RNASEH2B: variants seen among roughly 807,000 people sequenced by gnomAD.
The protein encoded by RNASEH2B is Aicardi-Goutieres syndrome 2 protein.
RNASEH2B carries 36 observed loss-of-function variants against 45.0 expected under a neutral mutation model. That is an observed-to-expected ratio of 0.80 (90% CI 0.61 to 1.06). RNASEH2B has a LOEUF of 1.06. Ranked by LOEUF, RNASEH2B falls within the 50% of genes least tolerant of loss-of-function variation. The pLI is 0.00. For synonymous variants in RNASEH2B, 119 were observed against 125.7 expected (o/e 0.95, Z 0.35); for missense variants, 361 against 360.3 (o/e 1.00, Z -0.02).
intron 5 of RNASEH2B, chr13:50,941,985 C>G (rs1278069903): frequency 2.0e-5 from 3 of 152,364 alleles, no homozygotes; most frequent in Admixed American, 2.0e-4. Flanking sequence ...CTCCCAACCT[C>G]TCTCCCATAC....
intron 5 of RNASEH2B, chr13:50,940,880 G>A (rs769079721): frequency 3.3e-5 from 5 of 152,192 alleles, no homozygotes; most frequent in Non-Finnish European, 7.3e-5. Flanking sequence ...ACTGAGGAAA[G>A]TGCAGACCTA....
At chr13:50,923,612 C>T (rs1276435146) in intron 1 of RNASEH2B, among the ~76,000 whole-genome samples, 2 of 152,092 alleles carry the variant, frequency 1.3e-5, no homozygotes. Context: ...GGAACCAAGA[C>T]ATTCTCAGAT....
chr13:50,918,792 G>A (rs904926325), intron 1 of RNASEH2B, among the ~76,000 whole-genome samples: 1 of 152,202 alleles, frequency 6.6e-6, no homozygotes, highest in East Asian at 1.9e-4. Context: ...TGCCGGGGCA[G>A]TGGGACGGGG....
chr13:50,945,651 C>T (rs1951891733), intron 7 of RNASEH2B, 119 bp downstream of exon 7: 1 of 715,714 alleles, frequency 1.4e-6, no homozygotes, highest in African/African-American at 1.8e-5. Context: ...CTACCAATGC[C>T]TCATACACAT....
downstream of RNASEH2B, among the ~76,000 whole-genome samples, chr13:50,960,973 T>C (rs565979867): frequency 4.7e-4 from 72 of 152,332 alleles, no homozygotes; most frequent in African/African-American, 1.7e-3. Flanking sequence ...TTGACATTTT[T>C]GAGTACAGGG....
intron 1 of RNASEH2B, chr13:50,927,179 C>T (rs1951608670): frequency 2.3e-6 from 1 of 439,466 alleles, no homozygotes; most frequent in Non-Finnish European, 4.2e-6. Flanking sequence ...ATTCTAGACC[C>T]CTGCTTCTCA....
intron 9 of RNASEH2B, among the ~76,000 whole-genome samples, chr13:50,968,167 G>A (rs1251113842): frequency 6.6e-6 from 1 of 152,048 alleles, no homozygotes; most frequent in African/African-American, 2.4e-5. Flanking sequence ...TGTAATCCCA[G>A]TACTTTGGGA....
In RNASEH2B at chr13:50,956,652, C is replaced by T. The variant is rs1593482168; in HGVS notation, c.*178C>T. 1 of 1,388,490 alleles carries T rather than the reference C, an allele frequency of 7.2e-7. No individual in the cohort carries two copies. Among genetic ancestry groups the T allele is most frequent in the African/African-American group, 1.5e-5 (1 of 68,384 alleles). The allele number at this position is 1,388,490 out of a possible 1,614,324, so 86.0% of individuals were successfully genotyped here. ...GAACAAAATATGGGAAAGTGTCTAA[C>T]TTCATGGCTATGGCCTTTTGGAGTC... On this transcript the variant is annotated 3_prime_UTR_variant, in exon 11 of 11. Transcript: ENST00000336617.
intron 1 of RNASEH2B, chr13:50,912,964 A>G (rs897521307): frequency 3.3e-5 from 5 of 152,168 alleles, no homozygotes; most frequent in African/African-American, 1.2e-4. Context: ...GGATATATTT[A>G]AATGTTTGAT....
chr13:50,917,946 C>G (rs116739711), intron 1 of RNASEH2B, among the ~76,000 whole-genome samples: 6 of 152,206 alleles, frequency 3.9e-5, no homozygotes, highest in African/African-American at 7.2e-5. Context: ...CATGCTCCAT[C>G]CATGCTCCAT....
downstream of RNASEH2B, among the ~76,000 whole-genome samples, chr13:50,961,537 T>C (rs1414012583): frequency 6.6e-6 from 1 of 152,194 alleles, no homozygotes. Context: ...CATTCTTTAA[T>C]ACATTCCTGC....
chr13:50,941,001 C>G (rs929185647), intron 5 of RNASEH2B: 1 of 152,094 alleles, frequency 6.6e-6, no homozygotes, highest in Non-Finnish European at 1.5e-5. Flanking sequence ...CTTCATGTCA[C>G]TCAGAGCCAG....
At chr13:50,935,080 A>C in intron 5 of RNASEH2B, 81 bp downstream of exon 5, 2 of 845,498 alleles carry the variant, frequency 2.4e-6, no homozygotes, top group Non-Finnish European at 4.0e-6. Context: ...GACACACTGA[A>C]TGTAAGGCTT....
chr13:50,939,453 G>A (rs774615230), intron 5 of RNASEH2B, among the ~76,000 whole-genome samples: 11 of 152,102 alleles, frequency 7.2e-5, no homozygotes, highest in Non-Finnish European at 1.3e-4. Flanking sequence ...CCAGGAGGTC[G>A]GGGTTACAGT....
At chr13:50,961,014 A>T (rs925014273), downstream of RNASEH2B, among the ~76,000 whole-genome samples, 1 of 152,032 alleles carries the variant, frequency 6.6e-6, no homozygotes, top group Admixed American at 6.6e-5. Flanking sequence ...TCTTATTCTA[A>T]TATTTCTTTT....
At chr13:50,934,447 G>C (rs1286404508) in intron 4 of RNASEH2B, 1 of 212,230 alleles carries the variant, frequency 4.7e-6, no homozygotes, top group Non-Finnish European at 9.7e-6. Flanking sequence ...CATCCCTAGA[G>C]TGATGATGGG....
chr13:50,963,150 T>C (rs1236075637), intron 9 of RNASEH2B, among the ~76,000 whole-genome samples: 1 of 152,000 alleles, frequency 6.6e-6, no homozygotes, highest in Non-Finnish European at 1.5e-5. Context: ...ACTTTAAATA[T>C]TGTAATTTTA....
chr13:50,960,388 TA>T (rs1952099940), downstream of RNASEH2B, among the ~76,000 whole-genome samples: 1 of 152,152 alleles, frequency 6.6e-6, no homozygotes. Flanking sequence ...AGAACAGTAT[TA>T]AAGAGTAATA....
In RNASEH2B at chr13:50,944,233, T is replaced by C. The variant is rs562910786; in HGVS notation, c.510+839T>C. 3.9e-5 allele frequency among the ~76,000 whole-genome samples: 6 copies of C among 152,352 alleles called. No homozygotes were observed. The East Asian group carries it at 1.2e-3, about 29-fold the overall frequency. On this transcript the variant is annotated intron_variant, in intron 6 of 10. Coordinates refer to ENST00000336617, the MANE Select transcript of RNASEH2B (RefSeq NM_024570.4). ...CCACTGGTCTAAGGATAATATGTAC[T>C]TTCACATTGATTAAGAATCTCGCTA... is the stretch of plus-strand genomic sequence containing the variant.
Sources: allele counts gnomAD v4.1 joint callset (sites outside exome capture counted in the v4.1 genomes callset), GRCh38; gene constraint gnomAD v4.1.1; transcripts MANE v1.5; gene names NCBI Gene and HGNC (gene_info 2026-07-23, HGNC 2026-07-21).